DYRK1A: variants seen among roughly 807,000 people sequenced by gnomAD.
DYRK1A encodes dual specificity tyrosine-phosphorylation-regulated kinase 1A.
In DYRK1A, 9 loss-of-function variants were observed where a neutral mutation model predicts 79.7. That is an observed-to-expected ratio of 0.11 (90% CI 0.07 to 0.20). The LOEUF is 0.20. DYRK1A is among the 10% of genes least tolerant of loss of function. DYRK1A has a pLI of 1.00. For missense variants in DYRK1A, 622 were observed against 956.0 expected, an observed-to-expected ratio of 0.65 and a Z score of 4.61; for synonymous variants, 349 against 329.7, an observed-to-expected ratio of 1.06 and a Z score of -0.63.
chr21:37,377,539 G>A (rs1388019637), intron 1 of DYRK1A, among the ~76,000 whole-genome samples: 1 of 152,142 alleles, frequency 6.6e-6, no homozygotes, highest in Non-Finnish European at 1.5e-5. Context: ...CATGATCATA[G>A]TTCACTGCAG....
rs2050277656 is a variant in DYRK1A, at chr21:37,413,378, T to TG, written c.-76-6920dup. Among the ~76,000 whole-genome samples, 4 of 152,246 alleles carry TG rather than the reference T, an allele frequency of 2.6e-5. No individual in the cohort carries two copies. In the South Asian group the frequency reaches 8.3e-4, roughly 32 times the overall value. On this transcript the variant is annotated intron_variant, in intron 1 of 11. Transcript: ENST00000647188. ...CTAAGTATATGTATGCATGCACTCA[T>TG]GCAAATCAATTATATATTTACATTT...
intron 3 of DYRK1A, among the ~76,000 whole-genome samples, chr21:37,473,924 TG>T (rs1273990388): frequency 2.6e-5 from 4 of 152,184 alleles, no homozygotes; most frequent in Admixed American, 2.0e-4. Context: ...AGTGTTTAAT[TG>T]TGTACCAGAA....
intron 11 of DYRK1A, among the ~76,000 whole-genome samples, chr21:37,507,718 C>G (rs991156687): frequency 1.5e-5 from 2 of 131,394 alleles, no homozygotes; most frequent in African/African-American, 5.8e-5. Context: ...TTTTTTTCTT[C>G]TACCCAGCAC....
rs1010018502 is a variant in DYRK1A at position 37,505,670 on chromosome 21, T to C, written c.1519+81T>C. The C allele has an allele frequency of 1.8e-5, 26 of 1,422,352 alleles. No homozygotes were observed. In the East Asian group the frequency reaches 5.3e-4, roughly 29 times the overall value. 88.1% of individuals were successfully genotyped at this position (1,422,352 alleles called of 1,614,324 possible). A position where few individuals can be genotyped will look rare whatever the true frequency, so the allele number is the denominator to read the frequency against. ...AGTGGGATTATTTTAAAGTGTTGATTAAATTTGTTAATAGAGTGGGGAGCA... is the reference window on the plus strand; with the variant it reads ...AGTGGGATTATTTTAAAGTGTTGATCAAATTTGTTAATAGAGTGGGGAGCA... On this transcript the variant is annotated intron_variant, in intron 10 of 11. Coordinates refer to ENST00000647188, the MANE Select transcript of DYRK1A (RefSeq NM_001347721.2).
rs758322771 is a variant in DYRK1A at position 37,519,753 on chromosome 21, T to TTTGTTTTGTTTTG, written c.*7224_*7225insGTTTTGTTTTGTT. 2.4e-4 allele frequency: 20 copies of TTTGTTTTGTTTTG among 82,578 alleles called. No individual in the cohort carries two copies. Among genetic ancestry groups the TTTGTTTTGTTTTG allele is most frequent in the Middle Eastern group, 0.01 (2 of 198 alleles). 5.1% of individuals were successfully genotyped at this position (82,578 alleles called of 1,614,324 possible). A position where few individuals can be genotyped will look rare whatever the true frequency, so the allele number is the denominator to read the frequency against. ...TGTGGGAAGTTTTTTTTTTTTTTTT[T>TTTGTTTTGTTTTG]TTTTTTGAGGCGGAGTCTCGCTCTG... On this transcript the variant is annotated 3_prime_UTR_variant, in exon 12 of 12. Coordinates refer to ENST00000647188, the MANE Select transcript of DYRK1A (RefSeq NM_001347721.2).
intron 2 of DYRK1A, among the ~76,000 whole-genome samples, chr21:37,438,498 T>C (rs2050991880): frequency 6.6e-5 from 10 of 152,214 alleles, no homozygotes; most frequent in Admixed American, 5.9e-4. Context: ...TGTTTGTTAA[T>C]AGTGTGCTGC....
rs750239891 is a variant in DYRK1A at position 37,518,615 on chromosome 21, C to CT, written c.*6103dup. The CT allele has an allele frequency of 0.14, 17,559 of 125,446 alleles. 1,435 individuals are homozygous for CT. Among genetic ancestry groups the CT allele is most frequent in the African/African-American group, 0.2 (6,694 of 32,976 alleles). The allele number at this position is 125,446 out of a possible 1,614,324, so 7.8% of individuals were successfully genotyped here. On this transcript the variant is annotated 3_prime_UTR_variant, in exon 12 of 12. Coordinates refer to ENST00000647188, the MANE Select transcript of DYRK1A (RefSeq NM_001347721.2). The stretch of plus-strand genomic sequence containing the variant: ...TATGACGGAAGTCTGAATCCAAGGA[C>CT]TTTTTTTTTTTTTTTTTTTGGAGAC...
At chr21:37,414,434 C>T (rs2050299128) in intron 1 of DYRK1A, among the ~76,000 whole-genome samples, 1 of 152,036 alleles carries the variant, frequency 6.6e-6, no homozygotes, top group Admixed American at 6.6e-5. Flanking sequence ...GATAGTGGTA[C>T]TTACTTTTTG....
At chr21:37,441,043 A>AT (rs34549660) in intron 2 of DYRK1A, among the ~76,000 whole-genome samples, 8,046 of 151,566 alleles carry the variant, frequency 0.053, 262 homozygotes, top group Middle Eastern at 0.13. Context: ...TAGTTTTATC[A>AT]TTTTTTTTGG....
At chr21:37,463,182 TGTGTGTGTTTAATGTTGGCAC>T (rs1273233725) in intron 2 of DYRK1A, among the ~76,000 whole-genome samples, 93 of 141,700 alleles carry the variant, frequency 6.6e-4, no homozygotes, top group Non-Finnish European at 1.1e-3. Context: ...CATGTGTGTG[TGTGTGTGTTTAATGTTGGCAC>T]GTGTGTGTGT....
At chr21:37,473,658 G>A (rs913302570) in intron 3 of DYRK1A, among the ~76,000 whole-genome samples, 1 of 151,984 alleles carries the variant, frequency 6.6e-6, no homozygotes, top group African/African-American at 2.4e-5. Flanking sequence ...TTAATATATT[G>A]TGTGAGGATA....
rs537982945 is a variant in DYRK1A at position 37,426,820 on chromosome 21, T to C, written c.10+6436T>C. ...CTTTAGTCCCAGCTACTTGGGAGGC[T>C]TAGGCAGGAGAATGGCATGAACCTG... is the stretch of plus-strand genomic sequence containing the variant. On this transcript the variant is annotated intron_variant, in intron 2 of 11. Coordinates refer to ENST00000647188, the MANE Select transcript of DYRK1A (RefSeq NM_001347721.2). 6.8e-3 allele frequency among the ~76,000 whole-genome samples: 992 copies of C among 145,476 alleles called. 15 individuals are homozygous for C. The highest frequency in any genetic ancestry group is 0.024 in the African/African-American group (951 of 39,400).
intron 2 of DYRK1A, among the ~76,000 whole-genome samples, chr21:37,423,841 A>G (rs2050543351): frequency 1.3e-5 from 2 of 152,166 alleles, no homozygotes; most frequent in African/African-American, 2.4e-5. Context: ...CATATTGTCT[A>G]TGTCATAATT....
chr21:37,464,335 C>A, intron 2 of DYRK1A: 4 of 465,490 alleles, frequency 8.6e-6, no homozygotes, highest in African/African-American at 2.0e-5. Flanking sequence ...AACATAGTAA[C>A]GTGGCTGAAG....
Position 37,372,857 on chromosome 21 carries a change from ATTC to A in DYRK1A, c.-77+5232_-77+5234del, listed in dbSNP as rs772698244. ...ACCAGGTAGTCTTCCTTGGCCATGC[ATTC>A]TTTTTTTTGGCCAAGCAGGACCATT... is the stretch of plus-strand genomic sequence containing the variant. On this transcript the variant is annotated intron_variant, in intron 1 of 11. Coordinates refer to ENST00000647188, the MANE Select transcript of DYRK1A (RefSeq NM_001347721.2). 7.6e-4 allele frequency among the ~76,000 whole-genome samples: 116 copies of A among 152,134 alleles called. 2 individuals carry two copies. The highest frequency in any genetic ancestry group is 5.8e-4 in the East Asian group (3 of 5,174).
chr21:37,420,853 T>G (rs2050456858), intron 2 of DYRK1A, among the ~76,000 whole-genome samples: 1 of 152,128 alleles, frequency 6.6e-6, no homozygotes, highest in South Asian at 2.1e-4. Context: ...TATTTTTTCC[T>G]TGTTCCCAAT....
chr21:37,443,730 T>C (rs1243256997), intron 2 of DYRK1A, among the ~76,000 whole-genome samples: 1 of 152,194 alleles, frequency 6.6e-6, no homozygotes, highest in Admixed American at 6.5e-5. Context: ...CTGGCAATCT[T>C]GGGCATTCCT....
At chr21:37,455,633 T>C (rs537495350) in intron 2 of DYRK1A, among the ~76,000 whole-genome samples, 23 of 152,266 alleles carry the variant, frequency 1.5e-4, no homozygotes, top group East Asian at 7.7e-4. Flanking sequence ...CTCCTTCCTT[T>C]CTTTTGCTGA....
intron 1 of DYRK1A, among the ~76,000 whole-genome samples, chr21:37,384,132 C>G (rs980843214): frequency 6.6e-6 from 1 of 152,060 alleles, no homozygotes; most frequent in African/African-American, 2.4e-5. Flanking sequence ...GATAAAGCCA[C>G]GTGGCCCCAC....
Sources: gnomAD v4.1 joint callset for allele counts (sites outside exome capture counted in the v4.1 genomes callset) on GRCh38, gnomAD v4.1.1 for gene constraint, MANE v1.5 for transcripts, NCBI Gene and HGNC (gene_info 2026-07-23, HGNC 2026-07-21) for gene names.